The following CCDC14 variants were observed in gnomAD, a reference collection of about 807,000 sequenced individuals.
The protein encoded by CCDC14 is coiled-coil domain-containing protein 14.
Under a neutral mutation model 81.4 loss-of-function variants are expected in CCDC14, and 71 were observed. The observed-to-expected ratio is 0.87, with a 90% confidence interval of 0.72 to 1.06. The LOEUF (loss-of-function observed/expected upper bound fraction) is 1.06, where lower values mean the gene tolerates loss of function less well. CCDC14 is among the 50% of genes least tolerant of loss of function. The pLI, the probability that CCDC14 is intolerant of heterozygous loss-of-function variation, is 0.00. For missense variants in CCDC14, 1,046 were observed against 1,047.3 expected, an observed-to-expected ratio of 1.00 and a Z score of 0.02; for synonymous variants, 332 against 364.8, an observed-to-expected ratio of 0.91 and a Z score of 1.03.
At chr3:123,926,420 T>C (rs969680844) in intron 12 of CCDC14, among the ~76,000 whole-genome samples, 2 of 151,648 alleles carry the variant, frequency 1.3e-5, no homozygotes, top group Non-Finnish European at 2.9e-5. Context: ...TCATAACAAA[T>C]GCAGGGTTCT....
chr3:123,917,662 T>TTG (rs1553711364), intron 12 of CCDC14, among the ~76,000 whole-genome samples: 1 of 151,738 alleles, frequency 6.6e-6, no homozygotes, highest in African/African-American at 2.4e-5. Context: ...ATTTTTTTTT[T>TTG]GCTTATCAAA....
intron 10 of CCDC14, chr3:123,933,466 A>C (rs2035865721): frequency 5.5e-6 from 3 of 546,662 alleles, no homozygotes; most frequent in Non-Finnish European, 9.7e-6. Flanking sequence ...TGAAGAGAAG[A>C]TATGTAAAAG....
Position 123,915,214 on chromosome 3 carries a change from C to T in CCDC14, c.2283G>A (p.Gln761=). The T allele has an allele frequency of 6.2e-7, 1 of 1,613,722 alleles. No individual in the cohort carries two copies. The highest frequency in any genetic ancestry group is 1.7e-5 in the Admixed American group (1 of 60,020). ...CAGCAAGTCCGCTGTTGCTGACTAG[C>T]TGTGTTGTAGCTGCTCTTATTTGTG... The part of the protein sequence containing the change: ...PQPQIRAATT[Q]LVSNSGLAVS... Residue 761 remains glutamine (Q), a synonymous_variant, in exon 13 of 13, where the codon CAG becomes CAA. Coordinates refer to ENST00000409697, the MANE Select transcript of CCDC14 (RefSeq NM_001366335.1).
At chr3:123,892,562 T>C (rs958542862), downstream of CCDC14, among the ~76,000 whole-genome samples, 1 of 152,162 alleles carries the variant, frequency 6.6e-6, no homozygotes, top group African/African-American at 2.4e-5. Flanking sequence ...TGACTTTCTG[T>C]CCAGAAAATG....
At position 123,915,523 on chromosome 3, in the gene CCDC14, T is replaced by C; in HGVS notation, c.1974A>G (p.Ser658=). Residue 658 remains serine, a synonymous_variant, in exon 13 of 13, where the codon TCA becomes TCG. Transcript: ENST00000409697. The part of the protein sequence containing the change: ...KLETNYSFTH[S]EPLSTIKNEE... ...CATTTTTAATTGTAGAAAGTGGCTC[T>C]GAATGTGTAAAACTGTAATTTGTTT... The C allele has an allele frequency of 6.2e-7, 1 of 1,614,038 alleles. No homozygotes were observed. The highest frequency in any genetic ancestry group is 8.5e-7 in the Non-Finnish European group (1 of 1,179,898).
chr3:123,938,767 T>A (rs1431010837), intron 9 of CCDC14, among the ~76,000 whole-genome samples: 1 of 151,968 alleles, frequency 6.6e-6, no homozygotes, highest in African/African-American at 2.4e-5. Flanking sequence ...TTTAAAATAT[T>A]ATGCATTGAA....
chr3:123,910,332 C>T (rs777808641), downstream of CCDC14, among the ~76,000 whole-genome samples: 3 of 152,078 alleles, frequency 2.0e-5, no homozygotes, highest in East Asian at 1.9e-4. Flanking sequence ...ATCTAATGGT[C>T]GTCCGCCTGG....
chr3:123,937,577 G>T, intron 9 of CCDC14, among the ~76,000 whole-genome samples: 1 of 151,672 alleles, frequency 6.6e-6, no homozygotes, highest in East Asian at 1.9e-4. Flanking sequence ...CCTTTATCGG[G>T]TACATGTTTT....
At chr3:123,935,669 T>C (rs1367549076) in intron 9 of CCDC14, among the ~76,000 whole-genome samples, 1 of 152,216 alleles carries the variant, frequency 6.6e-6, no homozygotes, top group Non-Finnish European at 1.5e-5. Context: ...CAGTATAATG[T>C]GAGCTTATTT....
intron 5 of CCDC14, among the ~76,000 whole-genome samples, chr3:123,904,627 A>AG (rs2034262813): frequency 6.6e-6 from 1 of 151,568 alleles, no homozygotes; most frequent in African/African-American, 2.4e-5. Flanking sequence ...AAAAAGAAAA[A>AG]AAAAAAAACC....
chr3:123,904,365 G>A (rs2034251221), intron 5 of CCDC14, among the ~76,000 whole-genome samples: 1 of 152,136 alleles, frequency 6.6e-6, no homozygotes, highest in Admixed American at 6.5e-5. Flanking sequence ...ATGAAGATAG[G>A]TTACAGGTGT....
the CCDC14 span, among the ~76,000 whole-genome samples, chr3:123,887,480 CA>C: frequency 0.11 from 16,461 of 144,994 alleles, 927 homozygotes; most frequent in Middle Eastern, 0.21. Flanking sequence ...ACAACAACAA[CA>C]AAAAAAAAAA....
chr3:123,906,716 AGGATCTGCT>A, intron 5 of CCDC14, among the ~76,000 whole-genome samples: 1 of 152,356 alleles, frequency 6.6e-6, no homozygotes, highest in South Asian at 2.1e-4. Context: ...CAAAGCAACA[AGGATCTGCT>A]CCATGACACA....
intron 9 of CCDC14, among the ~76,000 whole-genome samples, chr3:123,934,989 A>G (rs1017141632): frequency 2.0e-5 from 3 of 152,208 alleles, no homozygotes; most frequent in Non-Finnish European, 4.4e-5. Context: ...ATTTAACCAT[A>G]GCAAAATTTG....
At chr3:123,888,753 T>C in the CCDC14 span, among the ~76,000 whole-genome samples, 1 of 152,120 alleles carries the variant, frequency 6.6e-6, no homozygotes, top group African/African-American at 2.4e-5. Context: ...AGAACTCACT[T>C]ATTATCATGA....
intron 8 of CCDC14, among the ~76,000 whole-genome samples, chr3:123,946,127 T>C (rs926011709): frequency 1.3e-5 from 2 of 148,972 alleles, no homozygotes; most frequent in Non-Finnish European, 2.9e-5. Context: ...ATATAGCATT[T>C]TAAGATTTTT....
intron 8 of CCDC14, among the ~76,000 whole-genome samples, chr3:123,945,622 C>A (rs1427290644): frequency 6.6e-6 from 1 of 152,018 alleles, no homozygotes; most frequent in Non-Finnish European, 1.5e-5. Flanking sequence ...AATTCTTTTG[C>A]CTTTTATCTT....
At chr3:123,892,712 C>A, downstream of CCDC14, among the ~76,000 whole-genome samples, 1 of 98,190 alleles carries the variant, frequency 1.0e-5, no homozygotes, top group African/African-American at 3.4e-5. Context: ...TGGGTGGGGA[C>A]ACAAATTCAA....
downstream of CCDC14, among the ~76,000 whole-genome samples, chr3:123,912,165 C>T (rs1037179622): frequency 2.6e-5 from 4 of 152,140 alleles, no homozygotes; most frequent in African/African-American, 9.7e-5. Flanking sequence ...GGTTCTCACT[C>T]CATGCTCAAT....
Sources: gnomAD v4.1 joint callset for allele counts (sites outside exome capture counted in the v4.1 genomes callset) on GRCh38, gnomAD v4.1.1 for gene constraint, MANE v1.5 for transcripts, NCBI Gene and HGNC (gene_info 2026-07-23, HGNC 2026-07-21) for gene names.